SLC12A8: variants seen among roughly 807,000 people sequenced by gnomAD.
SLC12A8 encodes the protein cation-chloride cotransporter 9.
SLC12A8 carries 69 observed loss-of-function variants against 75.6 expected under a neutral mutation model. That is an observed-to-expected ratio of 0.91 (90% CI 0.75 to 1.11). SLC12A8 has a LOEUF of 1.11. Among genes scored for constraint, SLC12A8 ranks in the 50% most tolerant of loss-of-function variants. SLC12A8 has a pLI of 0.00. For synonymous variants in SLC12A8, 365 were observed against 372.8 expected, an observed-to-expected ratio of 0.98 and a Z score of 0.24; for missense variants, 877 against 896.7, an observed-to-expected ratio of 0.98 and a Z score of 0.28.
chr3:125,150,096 C>T (rs377697061), intron 5 of SLC12A8, among the ~76,000 whole-genome samples: 3 of 152,320 alleles, frequency 2.0e-5, no homozygotes, highest in East Asian at 3.9e-4. Flanking sequence ...ACTTCAGGGG[C>T]TCAAGGACTC....
At chr3:125,178,600 T>A (rs1285825786) in intron 4 of SLC12A8, among the ~76,000 whole-genome samples, 1 of 152,192 alleles carries the variant, frequency 6.6e-6, no homozygotes, top group Non-Finnish European at 1.5e-5. Context: ...ACCTTATGGA[T>A]TTTTTTCCAG....
rs1180123458 is a variant in SLC12A8, at chr3:125,107,502, G to T, written c.1684C>A (p.Gln562Lys). 3.7e-6 allele frequency: 6 copies of T among 1,610,366 alleles called. No homozygotes were observed. Among genetic ancestry groups the T allele is most frequent in the Non-Finnish European group, 4.2e-6 (5 of 1,176,968 alleles). The change falls in exon 10 of 14, where the codon CAA (glutamine) becomes AAA (lysine). Residue 562 changes from glutamine (Q) to lysine (K), a missense_variant. Coordinates refer to ENST00000469902, the MANE Select transcript of SLC12A8 (RefSeq NM_024628.6). ...TCACCTTCTCCACTGGACTCTGATTGGTTGCACAGCTCAGGAACAAGTTGC... is the reference window on the plus strand; with the variant it reads ...TCACCTTCTCCACTGGACTCTGATTTGTTGCACAGCTCAGGAACAAGTTGC... Reference protein sequence around the residue: ...GEQLVPELCNQSESSGEDFFL... With the variant: ...GEQLVPELCNKSESSGEDFFL...
intron 7 of SLC12A8, 27 bp downstream of exon 7, chr3:125,120,572 A>G: frequency 1.3e-6 from 2 of 1,560,936 alleles, no homozygotes; most frequent in Non-Finnish European, 8.8e-7. Context: ...TCTCTAGCTC[A>G]GACTGATTGC....
chr3:125,158,476 C>T (rs1007342559), intron 5 of SLC12A8, among the ~76,000 whole-genome samples: 6 of 152,214 alleles, frequency 3.9e-5, no homozygotes, highest in African/African-American at 1.2e-4. Flanking sequence ...CCACCTCGGC[C>T]TCCCAAAGTG....
At chr3:125,191,090 A>C (rs1337108747) in intron 2 of SLC12A8, among the ~76,000 whole-genome samples, 1 of 152,176 alleles carries the variant, frequency 6.6e-6, no homozygotes, top group African/African-American at 2.4e-5. Context: ...ACACCTCTGC[A>C]ATCAGCCCTG....
chr3:125,190,252 G>T (rs1934883157), intron 3 of SLC12A8, 123 bp downstream of exon 3: 3 of 1,080,478 alleles, frequency 2.8e-6, no homozygotes, highest in Non-Finnish European at 4.1e-6. Context: ...GCTTGCTTCT[G>T]TTTCGTGTTT....
In SLC12A8 at chr3:125,110,346, A is replaced by G; in HGVS notation, c.913-11T>C. ...GCCCATGAGGGATACCTGTGTGAGA[A>G]GCGGTTTCATTCGCCAGTGCCAGAA... On this transcript the variant is annotated splice_polypyrimidine_tract_variant and intron_variant, in intron 8 of 13. Coordinates refer to ENST00000469902, the MANE Select transcript of SLC12A8 (RefSeq NM_024628.6). The G allele has an allele frequency of 1.2e-6, 2 of 1,607,976 alleles. No homozygotes were observed. The highest frequency in any genetic ancestry group is 1.7e-6 in the Non-Finnish European group (2 of 1,175,326).
chr3:125,110,245 G>A lies in SLC12A8; in HGVS notation c.1003C>T (p.Leu335=). ...MGGLYGAPRI[L]QCIAQEKVIP... ...ACTTTCTCCTGGGCAATGCACTGCA[G>A]GATGCGGGGAGCTCCATAAAGTCCT... The change falls in exon 9 of 14, where the codon CTG becomes TTG. Residue 335 remains leucine, a synonymous_variant. Transcript: ENST00000469902. 1 of 1,614,076 alleles carries A rather than the reference G, an allele frequency of 6.2e-7. No individual in the cohort carries two copies. Among genetic ancestry groups the A allele is most frequent in the Non-Finnish European group, 8.5e-7 (1 of 1,179,944 alleles).
rs1934883669 is a variant in SLC12A8, at chr3:125,190,283, G to A, written c.198+92C>T. ...TGTTTCAGGAGCATCTGTGCTTCAG[G>A]AATCTGTGGCCTGCACTGTAGAATG... On this transcript the variant is annotated intron_variant, in intron 3 of 13. Coordinates refer to ENST00000469902, the MANE Select transcript of SLC12A8 (RefSeq NM_024628.6). 2.2e-6 allele frequency: 3 copies of A among 1,372,202 alleles called. No individual in the cohort carries two copies. The African/African-American group carries it at 4.3e-5, about 20-fold the overall frequency. 85.0% of individuals were successfully genotyped at this position (1,372,202 alleles called of 1,614,324 possible). A position where few individuals can be genotyped will look rare whatever the true frequency, so the allele number is the denominator to read the frequency against.
In SLC12A8 at chr3:125,083,819, C is replaced by T. The variant is rs1205524462; in HGVS notation, c.*71G>A. The T allele has an allele frequency of 6.8e-7, 1 of 1,469,344 alleles. No homozygotes were observed. Among genetic ancestry groups the T allele is most frequent in the Non-Finnish European group, 9.2e-7 (1 of 1,081,122 alleles). 91.0% of individuals were successfully genotyped at this position (1,469,344 alleles called of 1,614,324 possible). A position where few individuals can be genotyped will look rare whatever the true frequency, so the allele number is the denominator to read the frequency against. Reference sequence around the variant, plus strand: ...AGTTTCTCAGGTTGGAGAAGCAGCTCCACGAAGGTCCTGAGCTTGGGTCCA... The same window carrying T: ...AGTTTCTCAGGTTGGAGAAGCAGCTTCACGAAGGTCCTGAGCTTGGGTCCA... On this transcript the variant is annotated 3_prime_UTR_variant, in exon 14 of 14. Transcript: ENST00000469902.
chr3:125,199,860 A>T (rs1213444774), intron 2 of SLC12A8, among the ~76,000 whole-genome samples: 1 of 152,192 alleles, frequency 6.6e-6, no homozygotes, highest in Non-Finnish European at 1.5e-5. Flanking sequence ...AGCAACTATT[A>T]AAAAATGGAA....
At chr3:125,092,050 C>T in intron 11 of SLC12A8, 51 bp downstream of exon 11, 2 of 1,308,698 alleles carry the variant, frequency 1.5e-6, no homozygotes, top group Non-Finnish European at 2.2e-6. Context: ...ACACATGTGT[C>T]CACCTGAACT....
At position 125,111,912 on chromosome 3, in the gene SLC12A8, C is replaced by A. The variant is rs79331947; in HGVS notation, c.913-1577G>T. On this transcript the variant is annotated intron_variant, in intron 8 of 13. Transcript: ENST00000469902. ...GGACCAAGCCTGGAGGCACACCCAG[C>A]CTCTTCCCCAGGAACAGCTTGGCCA... is the stretch of plus-strand genomic sequence containing the variant. 2.8e-4 allele frequency among the ~76,000 whole-genome samples: 43 copies of A among 152,342 alleles called. 1 individual carries two copies. The South Asian group carries it at 7.7e-3, about 27-fold the overall frequency.
At chr3:125,193,323 T>C (rs1934942782) in intron 2 of SLC12A8, among the ~76,000 whole-genome samples, 1 of 152,130 alleles carries the variant, frequency 6.6e-6, no homozygotes, top group South Asian at 2.1e-4. Context: ...TGAGCCGAGA[T>C]TGCACCACTG....
intron 9 of SLC12A8, among the ~76,000 whole-genome samples, chr3:125,108,665 A>G (rs1268710852): frequency 1.3e-5 from 2 of 152,244 alleles, no homozygotes; most frequent in Non-Finnish European, 2.9e-5. Flanking sequence ...CACTGTGCCC[A>G]GCCATAGGAA....
chr3:125,100,449 C>T (rs1277476451), intron 10 of SLC12A8, among the ~76,000 whole-genome samples: 1 of 151,376 alleles, frequency 6.6e-6, no homozygotes, highest in Non-Finnish European at 1.5e-5. Flanking sequence ...CTCTTATTGC[C>T]CAGGCTGGAG....
At chr3:125,158,586 GC>G (rs1934099659) in intron 5 of SLC12A8, among the ~76,000 whole-genome samples, 1 of 152,140 alleles carries the variant, frequency 6.6e-6, no homozygotes, top group South Asian at 2.1e-4. Context: ...GACAACTTAA[GC>G]TTTTTCTTTA....
chr3:125,189,347 G>A (rs1473821014), intron 3 of SLC12A8, among the ~76,000 whole-genome samples: 1 of 152,180 alleles, frequency 6.6e-6, no homozygotes, highest in Non-Finnish European at 1.5e-5. Context: ...TTTCTCTGGA[G>A]AATCCTGACT....
intron 2 of SLC12A8, among the ~76,000 whole-genome samples, chr3:125,199,252 A>G (rs1283667884): frequency 6.6e-6 from 1 of 152,174 alleles, no homozygotes; most frequent in African/African-American, 2.4e-5. Context: ...ATATATAGAG[A>G]AAATGGTCTA....
Sources: gnomAD v4.1 joint callset for allele counts (sites outside exome capture counted in the v4.1 genomes callset) on GRCh38, gnomAD v4.1.1 for gene constraint, MANE v1.5 for transcripts, NCBI Gene and HGNC (gene_info 2026-07-23, HGNC 2026-07-21) for gene names.